Variants in KAZN observed in about 807,000 individuals in gnomAD.
KAZN encodes kazrin, periplakin interacting protein.
In KAZN, 40 loss-of-function variants were observed where a neutral mutation model predicts 87.4. The observed-to-expected ratio is 0.46, with a 90% confidence interval of 0.36 to 0.60. KAZN has a LOEUF of 0.60. Ranked by LOEUF, KAZN falls within the 20% of genes least tolerant of loss-of-function variation. The pLI is 0.00. For missense variants in KAZN, 898 were observed against 1,073.9 expected (o/e 0.84, Z 2.29); for synonymous variants, 466 against 458.3 (o/e 1.02, Z -0.22).
chr1:14,099,698 C>T (rs1320098016), intron 1 of KAZN, among the ~76,000 whole-genome samples: 1 of 152,170 alleles, frequency 6.6e-6, no homozygotes, highest in Non-Finnish European at 1.5e-5. Flanking sequence ...GGCACCAAAG[C>T]TAAAATGCAG....
chr1:14,152,395 CTT>C (rs887006580), intron 1 of KAZN, among the ~76,000 whole-genome samples: 5 of 152,142 alleles, frequency 3.3e-5, no homozygotes, highest in Non-Finnish European at 7.3e-5. Flanking sequence ...GAGTTCAACT[CTT>C]TTGATTTTTA....
intron 1 of KAZN, among the ~76,000 whole-genome samples, chr1:13,980,923 C>A (rs954714200): frequency 2.0e-5 from 3 of 151,390 alleles, no homozygotes; most frequent in African/African-American, 7.3e-5. Flanking sequence ...AGACTCTGGG[C>A]AGTCAGACTT....
intron 1 of KAZN, among the ~76,000 whole-genome samples, chr1:13,948,217 A>C: frequency 6.6e-6 from 1 of 152,158 alleles, no homozygotes; most frequent in East Asian, 1.9e-4. Context: ...AACCACCTTC[A>C]TATGGTTTGG....
At chr1:14,474,576 A>C (rs1047814774) in intron 2 of KAZN, among the ~76,000 whole-genome samples, 2 of 152,208 alleles carry the variant, frequency 1.3e-5, no homozygotes, top group Non-Finnish European at 2.9e-5. Context: ...CCTGTGTGAG[A>C]GGTGGTCGGA....
rs544255861 is a variant in KAZN at position 14,909,069 on chromosome 1, C to T, written c.227-51615C>T. Among the ~76,000 whole-genome samples the T allele has an allele frequency of 3.9e-5, 6 of 152,262 alleles. No homozygotes were observed. In the South Asian group the frequency reaches 8.3e-4, roughly 21 times the overall value. On this transcript the variant is annotated intron_variant, in intron 1 of 14. Coordinates refer to ENST00000376030, the MANE Select transcript of KAZN (RefSeq NM_201628.3). The stretch of plus-strand genomic sequence containing the variant: ...CACATCATCTCAACAGCAGTGTCCT[C>T]GGGAACATTAAAAGGGATTTTCCTA...
chr1:14,046,749 T>A (rs10928000), intron 1 of KAZN, among the ~76,000 whole-genome samples: 1 of 152,080 alleles, frequency 6.6e-6, no homozygotes, highest in South Asian at 2.1e-4. Context: ...CAGGAAGAGG[T>A]TATGATCAGG....
intron 1 of KAZN, among the ~76,000 whole-genome samples, chr1:13,917,817 AAAGG>A (rs1639914819): frequency 6.6e-6 from 1 of 151,482 alleles, no homozygotes; most frequent in South Asian, 2.1e-4. Flanking sequence ...AAAAAAAAAA[AAAGG>A]AAAGAAATTA....
At chr1:14,112,737 T>C (rs536341074) in intron 1 of KAZN, among the ~76,000 whole-genome samples, 1 of 152,316 alleles carries the variant, frequency 6.6e-6, no homozygotes, top group African/African-American at 2.4e-5. Context: ...ATTGGAGGCA[T>C]GAGAGAGTGC....
At chr1:14,161,778 C>T (rs1443424854) in intron 1 of KAZN, among the ~76,000 whole-genome samples, 1 of 152,146 alleles carries the variant, frequency 6.6e-6, no homozygotes, top group African/African-American at 2.4e-5. Flanking sequence ...CTTCCATCTC[C>T]AAACCCCCCA....
chr1:14,461,693 GGGT>G (rs932758052), intron 2 of KAZN, among the ~76,000 whole-genome samples: 2 of 152,098 alleles, frequency 1.3e-5, no homozygotes, highest in African/African-American at 4.8e-5. Flanking sequence ...CTGCCGAGAG[GGGT>G]GGTGACTGGC....
intron 2 of KAZN, among the ~76,000 whole-genome samples, chr1:14,275,520 T>C (rs1175304582): frequency 6.6e-6 from 1 of 151,360 alleles, no homozygotes; most frequent in Non-Finnish European, 1.5e-5. Context: ...TTAACTGATT[T>C]TGACCTTGAT....
intron 1 of KAZN, among the ~76,000 whole-genome samples, chr1:13,933,489 T>TC (rs546519092): frequency 9.2e-5 from 14 of 151,688 alleles, no homozygotes; most frequent in South Asian, 2.1e-4. Context: ...CAAAACTCCG[T>TC]CCCCCCCAAA....
intron 1 of KAZN, among the ~76,000 whole-genome samples, chr1:14,884,813 C>T (rs1402280181): frequency 6.6e-6 from 1 of 152,212 alleles, no homozygotes; most frequent in Non-Finnish European, 1.5e-5. Flanking sequence ...CGCCTTCCCC[C>T]ACACAGTTTT....
chr1:14,280,872 G>A (rs1652795218), intron 2 of KAZN, among the ~76,000 whole-genome samples: 1 of 152,172 alleles, frequency 6.6e-6, no homozygotes, highest in South Asian at 2.1e-4. Context: ...GACTCTAAAA[G>A]GCAGGTACTG....
At chr1:14,884,908 G>T (rs1182590298) in intron 1 of KAZN, among the ~76,000 whole-genome samples, 1 of 152,202 alleles carries the variant, frequency 6.6e-6, no homozygotes, top group African/African-American at 2.4e-5. Flanking sequence ...GGAGGAAGAG[G>T]CCTGCCAACA....
chr1:14,732,784 G>T (rs945599930), intron 1 of KAZN, among the ~76,000 whole-genome samples: 21 of 152,064 alleles, frequency 1.4e-4, no homozygotes, highest in Non-Finnish European at 2.1e-4. Flanking sequence ...AAGTGGTTAG[G>T]GATTTCTTTT....
At chr1:14,514,232 G>A (rs1475488443) in intron 2 of KAZN, among the ~76,000 whole-genome samples, 1 of 139,152 alleles carries the variant, frequency 7.2e-6, no homozygotes, top group Non-Finnish European at 1.5e-5. Context: ...GGCTGAGGCA[G>A]GAGAATGGCG....
rs541721771 is a variant in KAZN, at chr1:14,271,149, C to A, written c.249+90557C>A. 3.3e-5 allele frequency among the ~76,000 whole-genome samples: 5 copies of A among 152,322 alleles called. No individual in the cohort carries two copies. The South Asian group carries it at 1.0e-3, about 32-fold the overall frequency. ...CCTGTGTCCTCACAGGGTCTTCCCT[C>A]TCTGTATGTCTGTGTCCTATCTTCC... On this transcript the variant is annotated intron_variant, in intron 2 of 16. Transcript: ENST00000636203.
chr1:13,999,956 A>G (rs1259876387), intron 1 of KAZN, among the ~76,000 whole-genome samples: 1 of 152,256 alleles, frequency 6.6e-6, no homozygotes, highest in Non-Finnish European at 1.5e-5. Flanking sequence ...AAAGAAATAG[A>G]TAAATTCCTG....
Sources: allele counts gnomAD v4.1 joint callset (sites outside exome capture counted in the v4.1 genomes callset), GRCh38; gene constraint gnomAD v4.1.1; transcripts MANE v1.5; gene names NCBI Gene and HGNC (gene_info 2026-07-23, HGNC 2026-07-21).